The following FAM171A1 variants were observed in gnomAD, a reference collection of about 807,000 sequenced individuals.
FAM171A1 encodes protein FAM171A1.
A neutral mutation model predicts 74.9 loss-of-function variants in FAM171A1; 23 were observed. The ratio of observed to expected loss-of-function variants is 0.31; its 90% CI spans 0.22 to 0.44. The LOEUF is 0.44. Ranked by LOEUF, FAM171A1 falls within the 20% of genes least tolerant of loss-of-function variation. The pLI, the probability that FAM171A1 is intolerant of heterozygous loss-of-function variation, is 1.00. For missense variants in FAM171A1, 1,162 were observed against 1,159.2 expected, an observed-to-expected ratio of 1.00 and a Z score of -0.03; for synonymous variants, 527 against 505.7, an observed-to-expected ratio of 1.04 and a Z score of -0.57.
chr10:15,217,108 G>A (rs746764941), intron 6 of FAM171A1, among the ~76,000 whole-genome samples: 2 of 152,090 alleles, frequency 1.3e-5, no homozygotes, highest in Non-Finnish European at 2.9e-5. Flanking sequence ...TATACATAAG[G>A]TTATCAAAGA....
In FAM171A1 at chr10:15,360,003, C is replaced by G. The variant is rs114246052; in HGVS notation, c.97+10953G>C. On this transcript the variant is annotated intron_variant, in intron 1 of 7. Transcript: ENST00000378116. ...CGGTTGGAGTGCGGTTATGTGATCA[C>G]GGCTCACTGCAGCTTCAACCTCCCA... is the stretch of plus-strand genomic sequence containing the variant. 5.4e-3 allele frequency among the ~76,000 whole-genome samples: 823 copies of G among 152,270 alleles called. 7 individuals are homozygous for G. Among genetic ancestry groups the G allele is most frequent in the African/African-American group, 0.019 (775 of 41,540 alleles).
intron 1 of FAM171A1, among the ~76,000 whole-genome samples, chr10:15,308,578 C>T (rs1254650082): frequency 1.3e-5 from 2 of 152,062 alleles, no homozygotes; most frequent in African/African-American, 2.4e-5. Flanking sequence ...ATTCTCCTGC[C>T]TCAGCCTCCC....
At position 15,214,415 on chromosome 10, in the gene FAM171A1, C is replaced by G. The variant is rs1833939959; in HGVS notation, c.1173G>C (p.Lys391Asn). 6.2e-7 allele frequency: 1 copy of G among 1,614,006 alleles called. No individual in the cohort carries two copies. The highest frequency in any genetic ancestry group is 1.3e-5 in the African/African-American group (1 of 74,928). Reference protein sequence around the residue: ...SHGRPEAPGTKELMSGVHLEM... With the variant: ...SHGRPEAPGTNELMSGVHLEM... ...CCAAATGGACTCCACTCATCAGTTC[C>G]TTCGTGCCGGGGGCCTCGGGGCGGC... Residue 391 changes from lysine to asparagine, a missense_variant, in exon 8 of 8, where the codon AAG becomes AAC. By Grantham distance (94) the Lys-to-Asn change is moderately conservative. Transcript: ENST00000378116.
chr10:15,343,319 T>C (rs1325311227), intron 1 of FAM171A1, among the ~76,000 whole-genome samples: 3 of 152,150 alleles, frequency 2.0e-5, no homozygotes, highest in Non-Finnish European at 4.4e-5. Flanking sequence ...TAGTGAGCTA[T>C]GATTGCACCA....
At chr10:15,362,211 G>C (rs140982024) in intron 1 of FAM171A1, among the ~76,000 whole-genome samples, 11 of 152,290 alleles carry the variant, frequency 7.2e-5, no homozygotes, top group Middle Eastern at 6.8e-3. Context: ...TTATTATTCA[G>C]AGATTCCCAG....
Position 15,286,459 on chromosome 10 carries a change from T to TTA in FAM171A1, c.98-2355_98-2354insTA, listed in dbSNP as rs570486320. Reference sequence around the variant, plus strand: ...CGATGCCCCACTAATTTTTTGCACTTTTAGTAGAGACAGGGTTTCACCATG... The same window carrying TTA: ...CGATGCCCCACTAATTTTTTGCACTTTATTAGTAGAGACAGGGTTTCACCATG... On this transcript the variant is annotated intron_variant, in intron 1 of 7. Transcript: ENST00000378116. Among the ~76,000 whole-genome samples the TTA allele has an allele frequency of 5.3e-5, 8 of 152,220 alleles. No individual in the cohort carries two copies. The East Asian group carries it at 1.5e-3, about 29-fold the overall frequency.
At chr10:15,312,382 G>A (rs976240940) in intron 1 of FAM171A1, among the ~76,000 whole-genome samples, 10 of 152,086 alleles carry the variant, frequency 6.6e-5, no homozygotes, top group African/African-American at 2.4e-4. Flanking sequence ...GGGAGCTTTC[G>A]AATATTTTTA....
At chr10:15,343,981 G>A (rs1397714763) in intron 1 of FAM171A1, among the ~76,000 whole-genome samples, 2 of 152,182 alleles carry the variant, frequency 1.3e-5, no homozygotes, top group Admixed American at 6.5e-5. Flanking sequence ...CACATTTAAA[G>A]ATCAGACAAC....
Position 15,370,936 on chromosome 10 carries a change from C to A in FAM171A1, c.97+20G>T. ...GCCCGGCGCGACACAAAGCCCCCGG[C>A]CCCGCCGCCGCCCACTGACCTTGGG... On this transcript the variant is annotated intron_variant, in intron 1 of 7. Coordinates refer to ENST00000378116, the MANE Select transcript of FAM171A1 (RefSeq NM_001010924.2). 1 of 1,128,502 alleles carries A rather than the reference C, an allele frequency of 8.9e-7. No individual in the cohort carries two copies. Among genetic ancestry groups the A allele is most frequent in the South Asian group, 1.8e-5 (1 of 56,358 alleles). The allele number at this position is 1,128,502 out of a possible 1,614,324, so 69.9% of individuals were successfully genotyped here.
At position 15,216,000 on chromosome 10, in the gene FAM171A1, A is replaced by C; in HGVS notation, c.982T>G (p.Cys328Gly). ...LVLLCLLLYY[C>G]RRKCLKPRQH... ...GCCAAAATGGTAACACTTTACCTGC[A>C]ATAATATAAAAGGAGACACAGCAAA... is the stretch of plus-strand genomic sequence containing the variant. The change falls in exon 7 of 8, where the codon TGC (cysteine) becomes GGC (glycine). Residue 328 changes from cysteine to glycine, a missense_variant. Physicochemically the swap from Cys to Gly is radical, Grantham distance 159. Transcript: ENST00000378116. The C allele has an allele frequency of 6.3e-7, 1 of 1,593,148 alleles. No homozygotes were observed. The highest frequency in any genetic ancestry group is 2.2e-5 in the East Asian group (1 of 44,596).
chr10:15,271,042 C>G (rs532322818), intron 3 of FAM171A1, among the ~76,000 whole-genome samples: 4 of 152,324 alleles, frequency 2.6e-5, no homozygotes, highest in South Asian at 2.1e-4. Flanking sequence ...CTTTGATGAG[C>G]TGACAGAAGA....
At chr10:15,343,228 G>C (rs1057491658) in intron 1 of FAM171A1, among the ~76,000 whole-genome samples, 1 of 152,296 alleles carries the variant, frequency 6.6e-6, no homozygotes, top group Non-Finnish European at 1.5e-5. Context: ...AACTAGCTGA[G>C]TGCAGTAGCA....
At position 15,213,248 on chromosome 10, in the gene FAM171A1, T is replaced by C. The variant is rs937029658; in HGVS notation, c.2340A>G (p.Pro780=). The C allele has an allele frequency of 2.5e-6, 4 of 1,613,954 alleles. No individual in the cohort carries two copies. Among genetic ancestry groups the C allele is most frequent in the Admixed American group, 1.7e-5 (1 of 59,998 alleles). ...QEHQQKEPRA[P]DSTAYTQLVY... ...CGAGCTGCGTGTAGGCCGTGCTGTCTGGGGCTCGAGGCTCTTTCTGCTGGT... is the reference window on the plus strand; with the variant it reads ...CGAGCTGCGTGTAGGCCGTGCTGTCCGGGGCTCGAGGCTCTTTCTGCTGGT... The change falls in exon 8 of 8, where the codon CCA becomes CCG. Residue 780 remains proline, a synonymous_variant. Transcript: ENST00000378116. The surrounding 1 kb of genome is among the most constrained non-coding windows in gnomAD (Gnocchi z 6.8).
chr10:15,275,607 A>C (rs904363539), intron 3 of FAM171A1, among the ~76,000 whole-genome samples: 1 of 152,142 alleles, frequency 6.6e-6, no homozygotes, highest in Non-Finnish European at 1.5e-5. Flanking sequence ...AGGTGGCCCA[A>C]AACTGACTGT....
rs565546007 is a variant in FAM171A1 at position 15,280,411 on chromosome 10, G to A, written c.325+3467C>T. Among the ~76,000 whole-genome samples the A allele has an allele frequency of 1.5e-4, 23 of 152,338 alleles. No individual in the cohort carries two copies. The South Asian group carries it at 4.3e-3, about 29-fold the overall frequency. ...GCCATTGCCATGGTCCTGGACCATCGCTAAGGACCTGGGCCAGGGTGATCG... is the reference window on the plus strand; with the variant it reads ...GCCATTGCCATGGTCCTGGACCATCACTAAGGACCTGGGCCAGGGTGATCG... On this transcript the variant is annotated intron_variant, in intron 2 of 7. Coordinates refer to ENST00000378116, the MANE Select transcript of FAM171A1 (RefSeq NM_001010924.2).
In FAM171A1 at chr10:15,237,624, A is replaced by G. The variant is rs1343020700; in HGVS notation, c.754+11015T>C. The G allele has an allele frequency of 5.9e-5, 9 of 152,244 alleles. No homozygotes were observed. The South Asian group carries it at 1.5e-3, about 25-fold the overall frequency. The allele number at this position is 152,244 out of a possible 1,614,324, so 9.4% of individuals were successfully genotyped here. On this transcript the variant is annotated intron_variant, in intron 5 of 7. Transcript: ENST00000378116. ...GCAACAGACACCAACTGGCATCTCCATGAAAAGTCACAACTGACCGCCTGG... is the reference window on the plus strand; with the variant it reads ...GCAACAGACACCAACTGGCATCTCCGTGAAAAGTCACAACTGACCGCCTGG...
At chr10:15,217,718 A>C (rs1588492822) in intron 6 of FAM171A1, among the ~76,000 whole-genome samples, 1 of 151,654 alleles carries the variant, frequency 6.6e-6, no homozygotes, top group South Asian at 2.1e-4. Context: ...GCTCATTGTA[A>C]CCTCTGCCTC....
At chr10:15,319,104 G>A (rs565073277) in intron 1 of FAM171A1, among the ~76,000 whole-genome samples, 1 of 152,202 alleles carries the variant, frequency 6.6e-6, no homozygotes, top group Non-Finnish European at 1.5e-5. Context: ...CACGTCTGGA[G>A]GGATAAAGGC....
intron 1 of FAM171A1, among the ~76,000 whole-genome samples, chr10:15,295,377 T>A (rs1377604240): frequency 6.6e-6 from 1 of 152,232 alleles, no homozygotes; most frequent in Non-Finnish European, 1.5e-5. Flanking sequence ...TAAAATCTTT[T>A]ATGGTTTTTC....
Sources: gnomAD v4.1 joint callset for allele counts (sites outside exome capture counted in the v4.1 genomes callset) on GRCh38, gnomAD v4.1.1 for gene constraint, Gnocchi (gnomAD v3.1) non-coding constraint, MANE v1.5 for transcripts, NCBI Gene and HGNC (gene_info 2026-07-23, HGNC 2026-07-21) for gene names.